Variants in EPHA4 observed in about 807,000 individuals in gnomAD.
EPHA4 encodes EPH receptor A4.
Under a neutral mutation model 108.3 loss-of-function variants are expected in EPHA4, and 19 were observed. The observed-to-expected ratio is 0.18, with a 90% CI of 0.12 to 0.26. EPHA4 has a LOEUF of 0.26. Among genes scored for constraint, EPHA4 ranks in the 10% least tolerant of loss-of-function variants. The pLI, the probability that EPHA4 is intolerant of heterozygous loss-of-function variation, is 1.00. For missense variants in EPHA4, 917 were observed against 1,254.0 expected (o/e 0.73, Z 4.06); for synonymous variants, 449 against 455.5 (o/e 0.99, Z 0.18).
At chr2:221,439,388 C>T (rs1164482780) in intron 11 of EPHA4, among the ~76,000 whole-genome samples, 1 of 151,154 alleles carries the variant, frequency 6.6e-6, no homozygotes, top group African/African-American at 2.4e-5. Flanking sequence ...CCCAGCTACT[C>T]GGGAGGCTGA....
rs1189891902 is a variant in EPHA4 at position 221,499,742 on chromosome 2, ATATATATATATATAT to A, written c.979+1260_979+1274del. Among the ~76,000 whole-genome samples the A allele has an allele frequency of 8.9e-5, 5 of 56,462 alleles. 1 individual carries two copies. The highest frequency in any genetic ancestry group is 4.9e-4 in the African/African-American group (5 of 10,222). 37.0% of individuals were successfully genotyped at this position (56,462 alleles called of 152,430 possible). ...TATATATATATATATATATATATAT[ATATATATATATATAT>A]TTTTTTTTTTTTTTTTTGAGACAGA... is the stretch of plus-strand genomic sequence containing the variant. On this transcript the variant is annotated intron_variant, in intron 4 of 17. Coordinates refer to ENST00000281821, the MANE Select transcript of EPHA4 (RefSeq NM_004438.5).
At chr2:221,446,472 G>A (rs1425480620) in intron 8 of EPHA4, among the ~76,000 whole-genome samples, 1 of 151,918 alleles carries the variant, frequency 6.6e-6, no homozygotes, top group Non-Finnish European at 1.5e-5. Flanking sequence ...AAATCTCTCA[G>A]AGAAAATTTA....
chr2:221,497,220 T>A (rs1022874515), intron 4 of EPHA4, among the ~76,000 whole-genome samples: 2 of 152,182 alleles, frequency 1.3e-5, no homozygotes, highest in African/African-American at 2.4e-5. Context: ...AAATTTTTTT[T>A]ATTTCATTCT....
intron 3 of EPHA4, among the ~76,000 whole-genome samples, chr2:221,508,195 C>T (rs1692689966): frequency 6.6e-6 from 1 of 152,174 alleles, no homozygotes; most frequent in East Asian, 1.9e-4. Flanking sequence ...TTCTCTAATA[C>T]CCGGATGCTA....
chr2:221,458,972 C>A (rs1691050748), intron 5 of EPHA4, among the ~76,000 whole-genome samples: 1 of 152,158 alleles, frequency 6.6e-6, no homozygotes, highest in Admixed American at 6.6e-5. Flanking sequence ...AAACAAATGT[C>A]AAAAACTGGC....
intron 5 of EPHA4, among the ~76,000 whole-genome samples, chr2:221,466,896 T>G (rs1205592108): frequency 2.0e-5 from 3 of 152,110 alleles, no homozygotes; most frequent in Admixed American, 2.0e-4. Context: ...CTTTCCATGG[T>G]AAGAAATAGG....
chr2:221,540,044 T>C (rs1419385064), intron 3 of EPHA4, among the ~76,000 whole-genome samples: 1 of 152,126 alleles, frequency 6.6e-6, no homozygotes, highest in Admixed American at 6.5e-5. Context: ...CACAGACTCC[T>C]GAGTAGCTGG....
At chr2:221,465,237 C>T (rs1691268255) in intron 5 of EPHA4, among the ~76,000 whole-genome samples, 1 of 152,046 alleles carries the variant, frequency 6.6e-6, no homozygotes, top group East Asian at 1.9e-4. Context: ...TAAATGATTC[C>T]AGAGTAAGAC....
intron 3 of EPHA4, among the ~76,000 whole-genome samples, chr2:221,517,034 C>A (rs1322996392): frequency 6.6e-6 from 1 of 152,184 alleles, no homozygotes; most frequent in East Asian, 1.9e-4. Flanking sequence ...TATTGCTGAG[C>A]GCTCCTACGT....
chr2:221,454,896 C>T (rs1379204481), intron 8 of EPHA4, among the ~76,000 whole-genome samples: 2 of 152,100 alleles, frequency 1.3e-5, no homozygotes, highest in Admixed American at 6.6e-5. Flanking sequence ...ATGCCATGCC[C>T]GAGATTTGCT....
chr2:221,426,855 T>C (rs1166426232), intron 15 of EPHA4, among the ~76,000 whole-genome samples: 2 of 152,268 alleles, frequency 1.3e-5, no homozygotes, highest in African/African-American at 4.8e-5. Context: ...GCTTGTTTTA[T>C]GTGGCCCTCT....
intron 3 of EPHA4, among the ~76,000 whole-genome samples, chr2:221,543,829 G>A (rs1332544724): frequency 1.3e-5 from 2 of 152,100 alleles, no homozygotes; most frequent in African/African-American, 4.8e-5. Flanking sequence ...TCACGGGGGT[G>A]GAAGCTTTAG....
At chr2:221,556,471 A>ATTTTTTTT (rs1225934215) in intron 3 of EPHA4, among the ~76,000 whole-genome samples, 7 of 113,752 alleles carry the variant, frequency 6.2e-5, no homozygotes, top group Non-Finnish European at 7.5e-5. Context: ...TAATTTTTGT[A>ATTTTTTTT]TTTTTTTTTT....
At chr2:221,457,075 C>T (rs1430224) in intron 6 of EPHA4, among the ~76,000 whole-genome samples, 119,927 of 152,050 alleles carry the variant, frequency 0.79, 47,682 homozygotes, top group East Asian at 0.98. Context: ...TCTAGTTCCA[C>T]ACCCAGCAAT....
intron 3 of EPHA4, among the ~76,000 whole-genome samples, chr2:221,507,904 T>A (rs1692680509): frequency 6.6e-6 from 1 of 152,226 alleles, no homozygotes; most frequent in South Asian, 2.1e-4. Context: ...TAGTTTCTAA[T>A]CTTTCTTCTC....
At position 221,437,151 on chromosome 2, in the gene EPHA4, C is replaced by A. The variant is rs756728538; in HGVS notation, c.2075-29G>T. The stretch of plus-strand genomic sequence containing the variant: ...GAGTTTTCAGAAAGAAAAACACAAA[C>A]CTTTGATGAGCGCTGCACTTAATGA... On this transcript the variant is annotated intron_variant, in intron 11 of 17. Transcript: ENST00000281821. 4.6e-6 allele frequency: 7 copies of A among 1,535,174 alleles called. No individual in the cohort carries two copies. The Admixed American group carries it at 5.0e-5, about 11-fold the overall frequency.
At chr2:221,509,231 G>C (rs2710502) in intron 3 of EPHA4, among the ~76,000 whole-genome samples, 53,699 of 152,124 alleles carry the variant, frequency 0.35, 10,721 homozygotes, top group East Asian at 0.55. Context: ...AGGAGGCTGA[G>C]GTAGGAGAAT....
chr2:221,434,380 G>T, intron 13 of EPHA4, 89 bp from the exon 14 acceptor site: 4 of 1,377,790 alleles, frequency 2.9e-6, no homozygotes, highest in Non-Finnish European at 4.0e-6. Flanking sequence ...TAGCCAAGCA[G>T]GACAACAGCA....
chr2:221,563,786 G>A lies in EPHA4; in HGVS notation c.768C>T (p.Pro256=). ...CAGCGTTGCATAGGCAGTTGCCAATGGGTACCAGCCATTCACCATCTGCCC... is the reference window on the plus strand; with the variant it reads ...CAGCGTTGCATAGGCAGTTGCCAATAGGTACCAGCCATTCACCATCTGCCC... The part of the protein sequence containing the change: ...YCGADGEWLV[P]IGNCLCNAGH... The change falls in exon 3 of 18, where the codon CCC becomes CCT. Residue 256 remains proline (P), a synonymous_variant. Coordinates refer to ENST00000281821, the MANE Select transcript of EPHA4 (RefSeq NM_004438.5). The A allele has an allele frequency of 6.2e-7, 1 of 1,614,220 alleles. No homozygotes were observed. The highest frequency in any genetic ancestry group is 8.5e-7 in the Non-Finnish European group (1 of 1,180,046).
Sources: gnomAD v4.1 joint callset for allele counts (sites outside exome capture counted in the v4.1 genomes callset) on GRCh38, gnomAD v4.1.1 for gene constraint, MANE v1.5 for transcripts, NCBI Gene and HGNC (gene_info 2026-07-23, HGNC 2026-07-21) for gene names.